Variants in ELF2 observed in about 807,000 individuals in gnomAD.
ELF2 encodes E74 like ETS transcription factor 2.
In ELF2, 11 loss-of-function variants were observed where a neutral mutation model predicts 54.8. The ratio of observed to expected loss-of-function variants is 0.20; its 90% CI spans 0.13 to 0.33. The LOEUF (loss-of-function observed/expected upper bound fraction) is 0.33, where lower values mean the gene tolerates loss of function less well. ELF2 is among the 10% of genes least tolerant of loss of function. The pLI is 1.00. For missense variants in ELF2, 513 were observed against 703.0 expected (o/e 0.73, Z 3.06); for synonymous variants, 203 against 245.1 (o/e 0.83, Z 1.61).
At chr4:139,101,558 C>T (rs1407379235) in intron 4 of ELF2, 1 of 152,172 alleles carries the variant, frequency 6.6e-6, no homozygotes, top group Non-Finnish European at 1.5e-5. Context: ...TTGTAAAGTG[C>T]TTGGTACTAA....
In ELF2 at chr4:139,113,840, G is replaced by A. The variant is rs185446600; in HGVS notation, c.238+11324C>T. On this transcript the variant is annotated intron_variant, in intron 4 of 9. Coordinates refer to ENST00000686138, the MANE Select transcript of ELF2 (RefSeq NM_001331036.3). ...ACTACACTCCAGCCTGGACAACAGA[G>A]AAAGACCATGTCTCAAAAAAAAAAA... Among the ~76,000 whole-genome samples, 960 of 135,226 alleles carry A rather than the reference G, an allele frequency of 7.1e-3. 13 individuals are homozygous for A. Among genetic ancestry groups the A allele is most frequent in the African/African-American group, 0.026 (924 of 36,158 alleles). The allele number at this position is 135,226 out of a possible 152,430, so 88.7% of individuals were successfully genotyped here. A position where few individuals can be genotyped will look rare whatever the true frequency, so the allele number is the denominator to read the frequency against.
chr4:139,100,400 G>A (rs72724725), intron 4 of ELF2: 26,121 of 152,238 alleles, frequency 0.17, 2,802 homozygotes, highest in South Asian at 0.33. Flanking sequence ...GCACATGCCC[G>A]TGATCCCAAC....
At chr4:139,139,369 T>A (rs1314568538) in intron 2 of ELF2, 44 bp downstream of exon 2, 2 of 1,007,448 alleles carry the variant, frequency 2.0e-6, no homozygotes, top group Middle Eastern at 3.6e-4. Flanking sequence ...TATAAGGTAC[T>A]ATTCCCAATA....
intron 4 of ELF2, among the ~76,000 whole-genome samples, chr4:139,091,737 C>T (rs535368541): frequency 1.3e-5 from 2 of 152,162 alleles, no homozygotes; most frequent in South Asian, 2.1e-4. Flanking sequence ...ATCTTGGCCT[C>T]CCACAGTGTT....
At position 139,072,151 on chromosome 4, in the gene ELF2, T is replaced by C. The variant is rs556520424; in HGVS notation, c.353-112A>G. The C allele has an allele frequency of 1.1e-5, 12 of 1,045,052 alleles. No individual in the cohort carries two copies. The East Asian group carries it at 2.9e-4, about 25-fold the overall frequency. The allele number at this position is 1,045,052 out of a possible 1,614,324, so 64.7% of individuals were successfully genotyped here. On this transcript the variant is annotated intron_variant, in intron 5 of 9. Transcript: ENST00000686138. ...GTGTTAAGAATTAATCAAAGCAGGA[T>C]AAGAGCTTAATACTGAAGAAGTTAA... is the stretch of plus-strand genomic sequence containing the variant.
chr4:139,077,444 CTCA>C (rs1198728797), intron 4 of ELF2, among the ~76,000 whole-genome samples: 2 of 152,130 alleles, frequency 1.3e-5, no homozygotes, highest in African/African-American at 2.4e-5. Flanking sequence ...CTAATTTTAT[CTCA>C]TCATTTTTAT....
At chr4:139,094,982 AAC>A (rs1406214933) in intron 4 of ELF2, among the ~76,000 whole-genome samples, 1 of 152,124 alleles carries the variant, frequency 6.6e-6, no homozygotes, top group Non-Finnish European at 1.5e-5. Context: ...TAACAATGTT[AAC>A]AGTTTATCTG....
At chr4:139,119,685 CT>C (rs1435045340) in intron 4 of ELF2, among the ~76,000 whole-genome samples, 2 of 152,206 alleles carry the variant, frequency 1.3e-5, no homozygotes, top group East Asian at 3.8e-4. Flanking sequence ...GTAACTAGCC[CT>C]TTATTAAAAC....
At chr4:139,084,975 G>A (rs533636711) in intron 4 of ELF2, among the ~76,000 whole-genome samples, 1 of 152,232 alleles carries the variant, frequency 6.6e-6, no homozygotes, top group Non-Finnish European at 1.5e-5. Context: ...CGGGTATTTA[G>A]TAAACAGAAC....
chr4:139,168,554 C>A (rs1741943505), intron 1 of ELF2, among the ~76,000 whole-genome samples: 1 of 152,118 alleles, frequency 6.6e-6, no homozygotes, highest in African/African-American at 2.4e-5. Flanking sequence ...CTCCAAACTT[C>A]CCTTGTGTGC....
chr4:139,071,739 A>C (rs1729539670), intron 6 of ELF2, 127 bp downstream of exon 6: 1 of 872,442 alleles, frequency 1.1e-6, no homozygotes, highest in East Asian at 2.8e-5. Context: ...ATTCTTTGAG[A>C]ATATCTGGTT....
intron 6 of ELF2, among the ~76,000 whole-genome samples, chr4:139,069,198 A>G (rs1729161359): frequency 6.6e-6 from 1 of 152,098 alleles, no homozygotes; most frequent in Non-Finnish European, 1.5e-5. Flanking sequence ...ATTATTACTG[A>G]TTTGGTGACT....
chr4:139,135,235 ATATGTGTGTGTGTGTGTGTG>A (rs1330158366), intron 3 of ELF2, among the ~76,000 whole-genome samples: 11 of 131,888 alleles, frequency 8.3e-5, no homozygotes, highest in South Asian at 2.4e-4. Context: ...ACTACTATAT[ATATGTGTGTGTGTGTGTGTG>A]TGTGTGTGTG....
intron 4 of ELF2, among the ~76,000 whole-genome samples, chr4:139,102,819 C>T (rs1056927022): frequency 2.0e-5 from 3 of 151,930 alleles, no homozygotes; most frequent in South Asian, 2.1e-4. Context: ...CCAGCCTGGG[C>T]GACAGAGCAA....
At chr4:139,121,148 G>T (rs1343599554) in intron 4 of ELF2, among the ~76,000 whole-genome samples, 3 of 111,300 alleles carry the variant, frequency 2.7e-5, no homozygotes, top group Non-Finnish European at 1.7e-5. Flanking sequence ...TTGCTCTGTC[G>T]CCCAGGCTGG....
intron 7 of ELF2, 126 bp downstream of exon 7, chr4:139,067,558 A>G (rs1164829976): frequency 5.4e-6 from 5 of 930,062 alleles, no homozygotes; most frequent in Non-Finnish European, 6.5e-6. Flanking sequence ...TCCCTTATTA[A>G]GAACTATTAC....
chr4:139,129,531 A>C (rs1305314021), intron 3 of ELF2, among the ~76,000 whole-genome samples: 1 of 152,200 alleles, frequency 6.6e-6, no homozygotes, highest in East Asian at 1.9e-4. Context: ...AACATGTCTA[A>C]ATGGCACAAA....
chr4:139,171,857 G>A (rs867408342), intron 1 of ELF2, among the ~76,000 whole-genome samples: 2 of 152,154 alleles, frequency 1.3e-5, no homozygotes, highest in Non-Finnish European at 2.9e-5. Flanking sequence ...CCAGGAGAGA[G>A]AGGTTGCAGT....
intron 1 of ELF2, among the ~76,000 whole-genome samples, chr4:139,161,014 CT>C (rs1234501169): frequency 3.9e-5 from 6 of 152,088 alleles, no homozygotes; most frequent in African/African-American, 1.4e-4. Context: ...GCAGTAAGAT[CT>C]CTCTGTGTGT....
Sources: allele counts gnomAD v4.1 joint callset (sites outside exome capture counted in the v4.1 genomes callset), GRCh38; gene constraint gnomAD v4.1.1; transcripts MANE v1.5; gene names NCBI Gene and HGNC (gene_info 2026-07-23, HGNC 2026-07-21).